Variants in PARP9 observed in about 807,000 individuals in gnomAD.
The protein encoded by PARP9 is protein mono-ADP-ribosyltransferase PARP9.
Under a neutral mutation model 68.8 loss-of-function variants are expected in PARP9, and 48 were observed. The observed-to-expected ratio is 0.70, with a 90% CI of 0.55 to 0.89. PARP9 has a LOEUF of 0.89. PARP9 is among the 40% of genes least tolerant of loss of function. The pLI is 0.00. For synonymous variants in PARP9, 309 were observed against 333.8 expected (o/e 0.93, Z 0.81); for missense variants, 806 against 969.3 (o/e 0.83, Z 2.24).
rs2079133078 is a variant in PARP9 at position 122,550,744 on chromosome 3, G to T, written c.1166C>A (p.Ser389Tyr). 1.2e-6 allele frequency: 2 copies of T among 1,614,014 alleles called. No individual in the cohort carries two copies. The highest frequency in any genetic ancestry group is 2.7e-5 in the African/African-American group (2 of 74,912). Residue 389 changes from serine (S) to tyrosine (Y), a missense_variant, in exon 6 of 11, where the codon TCC becomes TAC. Physicochemically the swap from Ser to Tyr is moderately radical, Grantham distance 144 (BLOSUM62 -2). Around this residue, in one of 2 missense-constraint regions of PARP9, gnomAD observed 680 missense variants for 858.8 expected, o/e 0.79. Coordinates refer to ENST00000682323, the MANE Select transcript of PARP9 (RefSeq NM_001146105.2). ...AGTCCCAAGGGCAGGAAAGGAAATG[G>T]AAGTTATATTTTGCTCAATGCATTT... Reference protein sequence around the residue: ...LEKCIEQNITSISFPALGTGN... With the variant: ...LEKCIEQNITYISFPALGTGN...
intron 1 of PARP9, 52 bp downstream of exon 1, chr3:122,564,193 G>T (rs2080488348): frequency 2.0e-6 from 1 of 501,398 alleles, no homozygotes; most frequent in Non-Finnish European, 3.5e-6. Flanking sequence ...CGCCCACCTC[G>T]AGCCTGCAGG....
chr3:122,543,390 G>T (rs2078423195), intron 7 of PARP9, among the ~76,000 whole-genome samples: 1 of 151,920 alleles, frequency 6.6e-6, no homozygotes, highest in African/African-American at 2.4e-5. Flanking sequence ...CGATTCTCCT[G>T]CCTCAGCCTC....
chr3:122,550,561 A>G, intron 6 of PARP9, 23 bp downstream of exon 6: 1 of 1,535,362 alleles, frequency 6.5e-7, no homozygotes, highest in South Asian at 1.1e-5. Context: ...GAACAGTAGG[A>G]CATTTCTAAG....
chr3:122,555,158 G>T, intron 4 of PARP9, 128 bp downstream of exon 4: 1 of 958,660 alleles, frequency 1.0e-6, no homozygotes, highest in Non-Finnish European at 1.5e-6. Context: ...ATGTACCACT[G>T]CATCTGGCTC....
chr3:122,539,563 C>CTTTCTTTCTTTCTTTCT (rs1553714675), intron 8 of PARP9, among the ~76,000 whole-genome samples: 1 of 80,598 alleles, frequency 1.2e-5, no homozygotes, highest in East Asian at 4.5e-4. Context: ...TTCTTTCTTT[C>CTTTCTTTCTTTCTTTCT]TTTCTTTTTT....
chr3:122,553,197 C>G (rs2079359795), intron 4 of PARP9, among the ~76,000 whole-genome samples: 1 of 152,134 alleles, frequency 6.6e-6, no homozygotes, highest in Non-Finnish European at 1.5e-5. Flanking sequence ...CCCAGACCCC[C>G]CCACTCACCC....
intron 1 of PARP9, among the ~76,000 whole-genome samples, chr3:122,562,170 TTTCTTTTCTTTTCTTTTCTTTTC>T (rs1303297440): frequency 4.2e-4 from 34 of 80,884 alleles, no homozygotes; most frequent in Non-Finnish European, 9.3e-4. Flanking sequence ...TTTCTTTTCT[TTTCTTTTCTTTTCTTTTCTTTTC>T]TTTTCTTTTC....
intron 7 of PARP9, among the ~76,000 whole-genome samples, chr3:122,541,107 G>T (rs1376080428): frequency 1.3e-5 from 2 of 152,150 alleles, no homozygotes. Context: ...AGCCGGGATG[G>T]TCTCAATCTC....
intron 7 of PARP9, among the ~76,000 whole-genome samples, chr3:122,545,063 G>A (rs932861863): frequency 6.8e-6 from 1 of 147,740 alleles, no homozygotes; most frequent in Non-Finnish European, 1.5e-5. Flanking sequence ...TTACTGAGAT[G>A]TGTTTTCCAT....
intron 8 of PARP9, among the ~76,000 whole-genome samples, chr3:122,539,507 A>ATTTCTTTCTCTCTTTCTTTCTTTCTTTC (rs2077942004): frequency 7.5e-6 from 1 of 133,162 alleles, no homozygotes; most frequent in Admixed American, 7.9e-5. Flanking sequence ...CCAAGATGGC[A>ATTTCTTTCTCTCTTTCTTTCTTTCTTTC]TTTCTTTCTT....
At chr3:122,564,352 A>G, upstream of PARP9, 2 of 1,481,996 alleles carry the variant, frequency 1.3e-6, no homozygotes, top group Non-Finnish European at 1.8e-6. Context: ...CTTTGCGCCC[A>G]GTCCGCAGGG....
In PARP9 at chr3:122,555,580, C is replaced by T. The variant is rs763704671; in HGVS notation, c.591G>A (p.Lys197=). ...NYVIYKNTHI[K]TVAIPALSSG... ...AGCTCAAGGCTGGAATTGCTACTGTCTTAATGTGAGTATTTTTATAGATGA... is the reference window on the plus strand; with the variant it reads ...AGCTCAAGGCTGGAATTGCTACTGTTTTAATGTGAGTATTTTTATAGATGA... Residue 197 remains lysine, a synonymous_variant, in exon 4 of 11, where the codon AAG becomes AAA. Coordinates refer to ENST00000682323, the MANE Select transcript of PARP9 (RefSeq NM_001146105.2). 2 of 1,614,176 alleles carry T rather than the reference C, an allele frequency of 1.2e-6. No homozygotes were observed. The highest frequency in any genetic ancestry group is 3.3e-5 in the Admixed American group (2 of 60,018).
rs2078120735 is a variant in PARP9, at chr3:122,540,509, C to A, written c.1728G>T (p.Met576Ile). The change falls in exon 8 of 11, where the codon ATG (methionine) becomes ATT (isoleucine). Residue 576 changes from methionine to isoleucine, a missense_variant. By Grantham distance (10) the Met-to-Ile change is conservative. Coordinates refer to ENST00000682323, the MANE Select transcript of PARP9 (RefSeq NM_001146105.2). ...AAAGGCCTCGCTCCTTTTTCCTTGC[C>A]ATTTCCTCCTGTACTTTACAAAGCA... Reference protein sequence around the residue: ...EDMLCKVQEEMARKKERGLWR... With the variant: ...EDMLCKVQEEIARKKERGLWR... 6.2e-7 allele frequency: 1 copy of A among 1,613,822 alleles called. No homozygotes were observed. The highest frequency in any genetic ancestry group is 8.5e-7 in the Non-Finnish European group (1 of 1,179,916).
At chr3:122,559,287 A>G (rs755244899) in intron 2 of PARP9, among the ~76,000 whole-genome samples, 2 of 152,324 alleles carry the variant, frequency 1.3e-5, no homozygotes, top group South Asian at 4.1e-4. Flanking sequence ...TTCTAATCTG[A>G]TCTTTCTCTA....
chr3:122,547,423 C>T (rs910441718), intron 6 of PARP9, among the ~76,000 whole-genome samples: 3 of 151,926 alleles, frequency 2.0e-5, no homozygotes, highest in Non-Finnish European at 4.4e-5. Context: ...ATTATTAGTC[C>T]CTGGGGGAGC....
chr3:122,530,906 T>TA (rs997226582), intron 10 of PARP9, among the ~76,000 whole-genome samples: 7 of 152,030 alleles, frequency 4.6e-5, no homozygotes, highest in Admixed American at 6.6e-5. Context: ...CTACCAAAAA[T>TA]AAAAAAATTA....
chr3:122,547,013 T>TATATATATATAC (rs1491341009), intron 6 of PARP9, among the ~76,000 whole-genome samples: 4 of 61,440 alleles, frequency 6.5e-5, no homozygotes, highest in Non-Finnish European at 1.4e-4. Context: ...TATATATATA[T>TATATATATATAC]ACACACACAC....
At chr3:122,540,449 T>G (rs768388605) in intron 8 of PARP9, 23 bp downstream of exon 8, 1 of 1,605,384 alleles carries the variant, frequency 6.2e-7, no homozygotes, top group South Asian at 1.1e-5. Context: ...ATTTACTTTC[T>G]AATTTGATAG....
At chr3:122,531,950 A>G (rs1350486791) in intron 10 of PARP9, 1 of 166,208 alleles carries the variant, frequency 6.0e-6, no homozygotes. Flanking sequence ...AGCTTGGGAA[A>G]GGGCTCCCTT....
Sources: allele counts gnomAD v4.1 joint callset (sites outside exome capture counted in the v4.1 genomes callset), GRCh38; gene constraint gnomAD v4.1.1; regional missense constraint gnomAD v4.1.1; transcripts MANE v1.5; gene names NCBI Gene and HGNC (gene_info 2026-07-23, HGNC 2026-07-21).